Variants in PXYLP1 observed in about 807,000 individuals in gnomAD.
PXYLP1 encodes 2-phosphoxylose phosphatase 1.
In PXYLP1, 17 loss-of-function variants were observed where a neutral mutation model predicts 37.9. The observed-to-expected ratio is 0.45, with a 90% CI of 0.31 to 0.67. PXYLP1 has a LOEUF of 0.67. Ranked by LOEUF, PXYLP1 falls within the 30% of genes least tolerant of loss-of-function variation. PXYLP1 has a pLI of 0.07. For synonymous variants in PXYLP1, 221 were observed against 232.2 expected (o/e 0.95, Z 0.44); for missense variants, 511 against 612.0 (o/e 0.84, Z 1.74).
At chr3:141,278,272 T>C (rs945077019) in intron 2 of PXYLP1, 70 bp from the exon 3 acceptor site, 13 of 1,560,834 alleles carry the variant, frequency 8.3e-6, no homozygotes, top group Non-Finnish European at 1.1e-5. Context: ...AATCCAGCCC[T>C]GCGCTGGGCC....
chr3:141,257,239 C>G (rs1400440266), intron 1 of PXYLP1, among the ~76,000 whole-genome samples: 1 of 152,200 alleles, frequency 6.6e-6, no homozygotes, highest in African/African-American at 2.4e-5. Context: ...TCAAGGGAGC[C>G]TCAGCAGGGA....
chr3:141,261,717 A>G (rs1157220268), intron 2 of PXYLP1, among the ~76,000 whole-genome samples: 1 of 151,656 alleles, frequency 6.6e-6, no homozygotes, highest in Non-Finnish European at 1.5e-5. Flanking sequence ...GAGCAGGACC[A>G]CATCCTGTTT....
At chr3:141,287,279 A>G (rs756102434) in intron 4 of PXYLP1, 35 bp from the exon 5 acceptor site, 37 of 1,607,996 alleles carry the variant, frequency 2.3e-5, no homozygotes, top group Non-Finnish European at 2.9e-5. Context: ...CTTGTGGAGC[A>G]CTCTGACCTC....
intron 2 of PXYLP1, chr3:141,274,436 C>T (rs1941742155): frequency 2.2e-5 from 33 of 1,480,550 alleles, no homozygotes; most frequent in Non-Finnish European, 2.9e-5. Flanking sequence ...CCCCTCTGCT[C>T]CTCTCCTCTT....
At chr3:141,265,445 T>C (rs1262830191) in intron 2 of PXYLP1, among the ~76,000 whole-genome samples, 1 of 151,756 alleles carries the variant, frequency 6.6e-6, no homozygotes, top group Non-Finnish European at 1.5e-5. Context: ...TGGGTGAGTC[T>C]AATGCACACA....
intron 1 of PXYLP1, among the ~76,000 whole-genome samples, chr3:141,251,509 T>C (rs531174837): frequency 2.5e-4 from 38 of 152,308 alleles, no homozygotes; most frequent in Middle Eastern, 3.4e-3. Flanking sequence ...TGGATGGTCA[T>C]GTATCCAGCT....
At chr3:141,287,877 A>G (rs1942112178) in intron 5 of PXYLP1, among the ~76,000 whole-genome samples, 1 of 152,232 alleles carries the variant, frequency 6.6e-6, no homozygotes, top group Admixed American at 6.5e-5. Flanking sequence ...TTTATCCACT[A>G]CATCATTTAT....
chr3:141,271,266 G>T (rs1050705316), intron 2 of PXYLP1, among the ~76,000 whole-genome samples: 3 of 152,116 alleles, frequency 2.0e-5, no homozygotes, highest in African/African-American at 7.2e-5. Context: ...TCACATCTTT[G>T]TAATACTATA....
chr3:141,282,947 G>A lies in PXYLP1; in HGVS notation c.365+3443G>A, dbSNP rs571539543. ...GCTATCATGAAACATTCAAGAGACAGTTTCTAGTCAGTAATAGGCTGTATA... is the reference window on the plus strand; with the variant it reads ...GCTATCATGAAACATTCAAGAGACAATTTCTAGTCAGTAATAGGCTGTATA... On this transcript the variant is annotated intron_variant, in intron 4 of 5. Coordinates refer to ENST00000286353, the MANE Select transcript of PXYLP1 (RefSeq NM_001037172.3). Among the ~76,000 whole-genome samples, 7 of 151,976 alleles carry A rather than the reference G, an allele frequency of 4.6e-5. No homozygotes were observed. In the East Asian group the frequency reaches 1.4e-3, roughly 29 times the overall value.
Position 141,292,403 on chromosome 3 carries a change from G to A in PXYLP1, c.641G>A (p.Gly214Glu), listed in dbSNP as rs1405920364. ...GGGAAAAGCCGGACCCTACAAAGTG[G>A]GCTGGCCTTGCTTTATGGCTTTCTC... ...TTGKSRTLQS[G>E]LALLYGFLPD... The change falls in exon 6 of 6, where the codon GGG becomes GAG. Residue 214 changes from glycine (G) to glutamate (E), a missense_variant. Coordinates refer to ENST00000286353, the MANE Select transcript of PXYLP1 (RefSeq NM_001037172.3). This position sits in a 1 kb window ranked among gnomAD's most constrained non-coding sequence, Gnocchi z 4.3. 10 of 1,614,176 alleles carry A rather than the reference G, an allele frequency of 6.2e-6. No homozygotes were observed. Among genetic ancestry groups the A allele is most frequent in the Non-Finnish European group, 8.5e-6 (10 of 1,180,044 alleles).
intron 5 of PXYLP1, chr3:141,291,613 A>C (rs1942211484): frequency 6.6e-6 from 1 of 152,356 alleles, no homozygotes; most frequent in Non-Finnish European, 1.5e-5. Context: ...ACTGTTCTAC[A>C]CTTGGCTTTT....
intron 1 of PXYLP1, among the ~76,000 whole-genome samples, chr3:141,243,086 G>A (rs1940851728): frequency 6.6e-6 from 1 of 152,204 alleles, no homozygotes; most frequent in Non-Finnish European, 1.5e-5. Flanking sequence ...ACCATGAGCT[G>A]TGACTTGGGG....
At chr3:141,272,426 A>C (rs1941686203) in intron 2 of PXYLP1, among the ~76,000 whole-genome samples, 1 of 152,194 alleles carries the variant, frequency 6.6e-6, no homozygotes, top group African/African-American at 2.4e-5. Context: ...AAAATGAGCA[A>C]ATCATCATTA....
chr3:141,241,041 A>G (rs1559878727), intron 1 of PXYLP1, among the ~76,000 whole-genome samples: 1 of 152,104 alleles, frequency 6.6e-6, no homozygotes, highest in Non-Finnish European at 1.5e-5. Flanking sequence ...CTGCCCACTC[A>G]ACCTTCCAAA....
chr3:141,255,839 G>A (rs1941251415), intron 1 of PXYLP1, among the ~76,000 whole-genome samples: 1 of 152,248 alleles, frequency 6.6e-6, no homozygotes, highest in Admixed American at 6.5e-5. Context: ...TTGAACCACA[G>A]TGCCAGAAAG....
chr3:141,257,406 C>T (rs113041021), intron 1 of PXYLP1, among the ~76,000 whole-genome samples: 35 of 152,302 alleles, frequency 2.3e-4, no homozygotes, highest in African/African-American at 8.2e-4. Flanking sequence ...GCTATTGTCC[C>T]ATGGCCAAAA....
At chr3:141,262,679 C>T (rs908299184) in intron 2 of PXYLP1, 8 of 1,532,764 alleles carry the variant, frequency 5.2e-6, no homozygotes, top group East Asian at 2.5e-5. Flanking sequence ...CGTTGGAGAT[C>T]GGAAAGATAT....
chr3:141,288,305 C>G (rs1942123300), intron 5 of PXYLP1, among the ~76,000 whole-genome samples: 1 of 152,246 alleles, frequency 6.6e-6, no homozygotes. Flanking sequence ...CTTCATCTTG[C>G]ATCAGCATCT....
At chr3:141,240,682 C>T (rs1056668709) in intron 1 of PXYLP1, among the ~76,000 whole-genome samples, 1 of 152,150 alleles carries the variant, frequency 6.6e-6, no homozygotes, top group African/African-American at 2.4e-5. Flanking sequence ...TCAGGATTCT[C>T]TTAACAAGAA....
Sources: allele counts gnomAD v4.1 joint callset (sites outside exome capture counted in the v4.1 genomes callset), GRCh38; gene constraint gnomAD v4.1.1; non-coding constraint Gnocchi (gnomAD v3.1); transcripts MANE v1.5; gene names NCBI Gene and HGNC (gene_info 2026-07-23, HGNC 2026-07-21).